The following BRD8 variants were observed in gnomAD, a reference collection of about 807,000 sequenced individuals.
BRD8 encodes the protein bromodomain-containing protein 8.
In BRD8, 67 loss-of-function variants were observed where a neutral mutation model predicts 143.1. That is an observed-to-expected ratio of 0.47 (90% CI 0.38 to 0.57). The LOEUF is 0.57. Ranked by LOEUF, BRD8 falls within the 20% of genes least tolerant of loss-of-function variation. The pLI, the probability that BRD8 is intolerant of heterozygous loss-of-function variation, is 0.00. For missense variants in BRD8, 1,103 were observed against 1,503.0 expected (o/e 0.73, Z 4.40); for synonymous variants, 505 against 517.1 (o/e 0.98, Z 0.32).
intron 20 of BRD8, among the ~76,000 whole-genome samples, chr5:138,156,066 T>C (rs1752581231): frequency 6.6e-6 from 1 of 151,072 alleles, no homozygotes; most frequent in Non-Finnish European, 1.5e-5. Context: ...AGAAAGGGTC[T>C]CACTTTGTTG....
intron 20 of BRD8, among the ~76,000 whole-genome samples, chr5:138,155,430 CGAGAGT>C (rs1270801217): frequency 2.2e-5 from 3 of 138,014 alleles, no homozygotes; most frequent in African/African-American, 8.2e-5. Flanking sequence ...GCCTGGGCAA[CGAGAGT>C]GAAACTCCGA....
chr5:138,140,949 G>A (rs939759587), intron 25 of BRD8, 67 bp from the exon 26 acceptor site: 22 of 1,537,162 alleles, frequency 1.4e-5, no homozygotes, highest in South Asian at 1.4e-4. Context: ...AACCTAACAC[G>A]TTCTCTTGAA....
rs1173898646 is a variant in BRD8, at chr5:138,164,757, A to G, written c.1688T>C (p.Ile563Thr). Residue 563 changes from isoleucine to threonine, a missense_variant, in exon 12 of 27, where the codon ATT becomes ACT. By Grantham distance (89) the Ile-to-Thr change is moderately conservative. This residue lies in a region of BRD8 where 139 missense variants were observed against 139.0 expected (regional missense o/e 1.00). Transcript: ENST00000254900. ...AGEIVEADVA[I>T]GKGDETPLTN... is the part of the protein sequence containing the mutation. ...AAGTGGAGTCTCATCGCCTTTCCCA[A>G]TGGCAACATCTGCTTCAACAATCTC... 3 of 1,614,060 alleles carry G rather than the reference A, an allele frequency of 1.9e-6. No individual in the cohort carries two copies. Among genetic ancestry groups the G allele is most frequent in the Non-Finnish European group, 1.7e-6 (2 of 1,180,042 alleles).
intron 20 of BRD8, among the ~76,000 whole-genome samples, chr5:138,154,552 A>G (rs1454007538): frequency 6.6e-6 from 1 of 152,176 alleles, no homozygotes; most frequent in Non-Finnish European, 1.5e-5. Context: ...CAACATGTCC[A>G]TGTAACAAGG....
intron 21 of BRD8, among the ~76,000 whole-genome samples, 161 bp from the exon 22 acceptor site, chr5:138,151,169 T>C (rs1280973718): frequency 2.0e-5 from 3 of 152,240 alleles, no homozygotes; most frequent in Non-Finnish European, 4.4e-5. Flanking sequence ...ATATCTTATA[T>C]ACACAGGCAC....
chr5:138,147,320 A>C (rs1402616472), intron 23 of BRD8, among the ~76,000 whole-genome samples: 1 of 147,342 alleles, frequency 6.8e-6, no homozygotes, highest in East Asian at 2.0e-4. Context: ...ATATATATTC[A>C]TATATAAATA....
intron 20 of BRD8, among the ~76,000 whole-genome samples, chr5:138,155,526 T>G (rs1347771876): frequency 6.6e-6 from 1 of 151,086 alleles, no homozygotes; most frequent in African/African-American, 2.4e-5. Flanking sequence ...TAACAGAAGT[T>G]GGAATTGAAC....
rs1752101225 is a variant in BRD8 at position 138,145,245 on chromosome 5, C to T, written c.3369G>A (p.Arg1123=). 1 of 1,613,850 alleles carries T rather than the reference C, an allele frequency of 6.2e-7. No homozygotes were observed. The highest frequency in any genetic ancestry group is 8.5e-7 in the Non-Finnish European group (1 of 1,179,918). The change falls in exon 25 of 27, where the codon AGG becomes AGA. Residue 1123 remains arginine, a splice_region_variant and synonymous_variant. Transcript: ENST00000254900. ...CAGGCTTCAGAAATGGACTGCTGAA[C>T]CTGTTAAGGGACAAACCCAGAGAGG... ...LPVWKMIASH[R]FSSPFLKPVS... is the part of the protein sequence containing the mutation.
intron 2 of BRD8, among the ~76,000 whole-genome samples, chr5:138,174,287 T>C (rs930225313): frequency 6.6e-6 from 1 of 152,086 alleles, no homozygotes; most frequent in African/African-American, 2.4e-5. Flanking sequence ...AAAAATACCA[T>C]GTCTTATGCT....
intron 7 of BRD8, 115 bp from the exon 8 acceptor site, chr5:138,169,473 C>T: frequency 8.1e-7 from 1 of 1,232,710 alleles, no homozygotes; most frequent in Non-Finnish European, 1.1e-6. Context: ...ACTAAAGCAG[C>T]ATAATAAGTT....
Position 138,156,128 on chromosome 5 carries a change from C to T in BRD8, c.2578-3368G>A, listed in dbSNP as rs149654607. Among the ~76,000 whole-genome samples the T allele has an allele frequency of 7.3e-3, 1,063 of 145,266 alleles. 3 individuals are homozygous for T. Among genetic ancestry groups the T allele is most frequent in the Non-Finnish European group, 0.011 (693 of 65,752 alleles). On this transcript the variant is annotated intron_variant, in intron 20 of 26. Coordinates refer to ENST00000254900, the MANE Select transcript of BRD8 (RefSeq NM_139199.2). ...TCAAGCAACCCTCCCACCTCAGCCTCCCAAAGTGTTGGGCTATTTTTTTTT... is the reference window on the plus strand; with the variant it reads ...TCAAGCAACCCTCCCACCTCAGCCTTCCAAAGTGTTGGGCTATTTTTTTTT...
At chr5:138,146,001 C>A in intron 23 of BRD8, 123 bp from the exon 24 acceptor site, 1 of 658,100 alleles carries the variant, frequency 1.5e-6, no homozygotes, top group Non-Finnish European at 2.6e-6. Context: ...CTTTTTATCT[C>A]CCCTTATCTG....
At position 138,153,135 on chromosome 5, in the gene BRD8, G is replaced by A. The variant is rs146982618; in HGVS notation, c.2578-375C>T. On this transcript the variant is annotated intron_variant, in intron 20 of 26. Coordinates refer to ENST00000254900, the MANE Select transcript of BRD8 (RefSeq NM_139199.2). ...AGCCCAAATCATCCATAACTAAACC[G>A]TAAGGCAAACAAATTGAGGGGGCAG... Among the ~76,000 whole-genome samples the A allele has an allele frequency of 3.7e-3, 564 of 152,196 alleles. 3 individuals are homozygous for A. The highest frequency in any genetic ancestry group is 0.013 in the African/African-American group (535 of 41,528).
In BRD8 at chr5:138,177,628, G is replaced by C; in HGVS notation, c.59C>G (p.Ser20Cys). Residue 20 changes from serine to cysteine, a missense_variant, in exon 2 of 27, where the codon TCC becomes TGC. This residue lies in a region of BRD8 where 69 missense variants were observed against 121.6 expected (regional missense o/e 0.57). Coordinates refer to ENST00000254900, the MANE Select transcript of BRD8 (RefSeq NM_139199.2). ...LLSTGPTEPW[S>C]IREKLCLASS... The stretch of plus-strand genomic sequence containing the variant: ...TGCTAAACATAGCTTCTCTCGGATG[G>C]ACCATGGCTCTGTGGGGCCAGTGCT... The C allele has an allele frequency of 6.2e-7, 1 of 1,609,558 alleles. No homozygotes were observed. Among genetic ancestry groups the C allele is most frequent in the African/African-American group, 1.4e-5 (1 of 73,826 alleles).
At chr5:138,142,965 T>G (rs1003985363) in intron 25 of BRD8, among the ~76,000 whole-genome samples, 2 of 151,500 alleles carry the variant, frequency 1.3e-5, no homozygotes, top group Non-Finnish European at 2.9e-5. Flanking sequence ...TAATAACATT[T>G]CAAACAAAGA....
Position 138,176,446 on chromosome 5 carries a change from T to C in BRD8, c.116+1125A>G, listed in dbSNP as rs78052601. 1.3e-3 allele frequency among the ~76,000 whole-genome samples: 193 copies of C among 152,194 alleles called. 2 individuals carry two copies. Among genetic ancestry groups the C allele is most frequent in the Non-Finnish European group, 2.2e-3 (147 of 68,006 alleles). Reference sequence around the variant, plus strand: ...AATTAGCCAGGCCACTCGTGGCGCATGGCTGTAATCCCAGCTACTTGGGAG... The same window carrying C: ...AATTAGCCAGGCCACTCGTGGCGCACGGCTGTAATCCCAGCTACTTGGGAG... On this transcript the variant is annotated intron_variant, in intron 2 of 26. Coordinates refer to ENST00000254900, the MANE Select transcript of BRD8 (RefSeq NM_139199.2).
chr5:138,147,384 G>A (rs182400046), intron 23 of BRD8, among the ~76,000 whole-genome samples: 1 of 150,982 alleles, frequency 6.6e-6, no homozygotes, highest in African/African-American at 2.4e-5. Flanking sequence ...ATAATTATTA[G>A]TTTTACCTTT....
Position 138,163,273 on chromosome 5 carries a change from C to CTCT in BRD8, c.1941_1943dup (p.Glu648dup). On this transcript the variant is annotated inframe_insertion, in exon 15 of 27. Coordinates refer to ENST00000254900, the MANE Select transcript of BRD8 (RefSeq NM_139199.2). ...CTGACAAGTAGCCTTCTCCTTGATC[C>CTCT]TCTTCCTTAGGCTCCTCTAGGCTGG... 6.2e-7 allele frequency: 1 copy of CTCT among 1,614,158 alleles called. No homozygotes were observed.
At chr5:138,158,779 CTTT>C (rs1752785552) in intron 20 of BRD8, among the ~76,000 whole-genome samples, 2 of 137,402 alleles carry the variant, frequency 1.5e-5, no homozygotes, top group East Asian at 4.4e-4. Context: ...TTTTTTTTTT[CTTT>C]TGAGACAAGG....
Sources: gnomAD v4.1 joint callset for allele counts (sites outside exome capture counted in the v4.1 genomes callset) on GRCh38, gnomAD v4.1.1 for gene constraint, gnomAD v4.1.1 regional missense constraint, MANE v1.5 for transcripts, NCBI Gene and HGNC (gene_info 2026-07-23, HGNC 2026-07-21) for gene names.